Variants in SLX4IP observed in about 807,000 individuals in gnomAD.
SLX4IP encodes the protein protein SLX4IP.
Under a neutral mutation model 32.9 loss-of-function variants are expected in SLX4IP, and 34 were observed. The observed-to-expected ratio is 1.03, with a 90% CI of 0.79 to 1.38. The LOEUF is 1.38. Ranked by LOEUF, SLX4IP falls within the 40% of genes most tolerant of loss-of-function variation. The probability of loss-of-function intolerance (pLI) is 0.00; values close to 1 mark genes in which losing one functional copy is unlikely to be tolerated. For synonymous variants in SLX4IP, 172 were observed against 171.7 expected, an observed-to-expected ratio of 1.00 and a Z score of -0.01; for missense variants, 444 against 479.0, an observed-to-expected ratio of 0.93 and a Z score of 0.68.
intron 3 of SLX4IP, 43 bp downstream of exon 3, chr20:10,556,363 C>T (rs771537177): frequency 1.0e-5 from 16 of 1,549,992 alleles, no homozygotes; most frequent in Non-Finnish European, 1.2e-5. Flanking sequence ...GTAGCTGCTG[C>T]TGCTATAAGA....
chr20:10,614,118 C>A, intron 6 of SLX4IP: 1 of 1,460,296 alleles, frequency 6.8e-7, no homozygotes, highest in African/African-American at 1.4e-5. Flanking sequence ...CTTGTGGTAG[C>A]CTCGTCGGAC....
chr20:10,596,870 T>C (rs2066776706), intron 4 of SLX4IP, among the ~76,000 whole-genome samples: 1 of 152,106 alleles, frequency 6.6e-6, no homozygotes, highest in Admixed American at 6.5e-5. Flanking sequence ...GTAATGTCAG[T>C]GGTGTGTATA....
chr20:10,518,311 A>C (rs1045417173), intron 2 of SLX4IP, among the ~76,000 whole-genome samples: 1 of 152,086 alleles, frequency 6.6e-6, no homozygotes, highest in East Asian at 1.9e-4. Flanking sequence ...CTGGATGACC[A>C]TTCTCCACCC....
chr20:10,527,300 A>C, intron 2 of SLX4IP, among the ~76,000 whole-genome samples: 1 of 152,202 alleles, frequency 6.6e-6, no homozygotes, highest in Non-Finnish European at 1.5e-5. Flanking sequence ...CCATAGAAAT[A>C]AGGAGTTAAA....
At chr20:10,511,871 A>G (rs1228292560) in intron 2 of SLX4IP, among the ~76,000 whole-genome samples, 1 of 152,252 alleles carries the variant, frequency 6.6e-6, no homozygotes, top group Non-Finnish European at 1.5e-5. Flanking sequence ...TTCATTAAGT[A>G]TGAAACTAAA....
intron 2 of SLX4IP, among the ~76,000 whole-genome samples, chr20:10,532,259 A>G (rs959086129): frequency 2.0e-5 from 3 of 152,344 alleles, no homozygotes; most frequent in Admixed American, 2.0e-4. Flanking sequence ...CCAAGAAATC[A>G]TAAGTATGGG....
At chr20:10,548,841 A>G (rs913024031) in intron 2 of SLX4IP, among the ~76,000 whole-genome samples, 6 of 152,240 alleles carry the variant, frequency 3.9e-5, no homozygotes, top group African/African-American at 1.4e-4. Flanking sequence ...CAAGCGCTCC[A>G]TGAATCTTAT....
intron 4 of SLX4IP, among the ~76,000 whole-genome samples, chr20:10,582,608 C>T (rs1453863102): frequency 6.6e-6 from 1 of 152,074 alleles, no homozygotes; most frequent in Admixed American, 6.6e-5. Flanking sequence ...ATATTTTCAA[C>T]TTGGGCCACT....
intron 6 of SLX4IP, among the ~76,000 whole-genome samples, chr20:10,605,082 G>T (rs771232082): frequency 9.2e-5 from 14 of 152,114 alleles, no homozygotes; most frequent in Non-Finnish European, 2.1e-4. Flanking sequence ...TTCTTTCTCA[G>T]ATGTAAAGTC....
chr20:10,603,637 T>C (rs1390204682), intron 6 of SLX4IP, among the ~76,000 whole-genome samples: 2 of 152,194 alleles, frequency 1.3e-5, no homozygotes, highest in African/African-American at 2.4e-5. Flanking sequence ...ACTCCACCTC[T>C]GTCTCTTCAC....
intron 1 of SLX4IP, among the ~76,000 whole-genome samples, chr20:10,452,493 C>T (rs1405842146): frequency 1.3e-5 from 2 of 151,726 alleles, no homozygotes; most frequent in African/African-American, 4.8e-5. Context: ...TGATGAAACT[C>T]TGTCTCTACT....
In SLX4IP at chr20:10,435,379, G is replaced by C. The variant is rs1169836523; in HGVS notation, c.-104G>C. The C allele has an allele frequency of 6.6e-6, 1 of 152,204 alleles. No individual in the cohort carries two copies. Among genetic ancestry groups the C allele is most frequent in the Non-Finnish European group, 1.5e-5 (1 of 68,056 alleles). 9.4% of individuals were successfully genotyped at this position (152,204 alleles called of 1,614,324 possible). On this transcript the variant is annotated 5_prime_UTR_variant, in exon 1 of 8. Coordinates refer to ENST00000334534, the MANE Select transcript of SLX4IP (RefSeq NM_001009608.3). ...TGTGTAGTCCGAGTTTCCACAGCCA[G>C]GTACTACTCCGCCAGTGACCCTGGA...
chr20:10,485,567 G>A (rs1165429192), intron 2 of SLX4IP, among the ~76,000 whole-genome samples: 2 of 151,170 alleles, frequency 1.3e-5, no homozygotes, highest in Non-Finnish European at 2.9e-5. Context: ...CATTGAGCCC[G>A]AGATCGCACC....
chr20:10,464,508 A>AC lies in SLX4IP; in HGVS notation c.27+6281dup, dbSNP rs1274414247. Among the ~76,000 whole-genome samples, 6 of 152,114 alleles carry AC rather than the reference A, an allele frequency of 3.9e-5. No individual in the cohort carries two copies. In the East Asian group the frequency reaches 7.7e-4, roughly 20 times the overall value. ...CCAGCAGCCTGAGTAACATAGTGAG[A>AC]CCCCATCTCTAAATTAAAAACAATA... On this transcript the variant is annotated intron_variant, in intron 2 of 7. Coordinates refer to ENST00000334534, the MANE Select transcript of SLX4IP (RefSeq NM_001009608.3).
intron 2 of SLX4IP, among the ~76,000 whole-genome samples, chr20:10,476,455 T>C (rs1461631276): frequency 2.0e-5 from 3 of 152,244 alleles, no homozygotes; most frequent in Non-Finnish European, 4.4e-5. Context: ...TATTTTTAAT[T>C]GTCACCAAGT....
chr20:10,593,975 G>A (rs759460579), intron 4 of SLX4IP, among the ~76,000 whole-genome samples: 16 of 152,142 alleles, frequency 1.1e-4, no homozygotes, highest in Admixed American at 2.6e-4. Flanking sequence ...TTATTTGATC[G>A]GTAATGTCAT....
At chr20:10,547,853 A>C (rs1402127233) in intron 2 of SLX4IP, among the ~76,000 whole-genome samples, 1 of 152,214 alleles carries the variant, frequency 6.6e-6, no homozygotes, top group South Asian at 2.1e-4. Flanking sequence ...AGTACTAGAC[A>C]TTGACAACCC....
intron 1 of SLX4IP, among the ~76,000 whole-genome samples, chr20:10,457,037 G>A (rs2078449748): frequency 6.6e-6 from 1 of 152,050 alleles, no homozygotes; most frequent in South Asian, 2.1e-4. Context: ...TTGATATGTA[G>A]CAATACAGTA....
chr20:10,513,433 A>G (rs1314071621), intron 2 of SLX4IP, among the ~76,000 whole-genome samples: 1 of 152,222 alleles, frequency 6.6e-6, no homozygotes, highest in Admixed American at 6.5e-5. Context: ...AAGCAGGAGA[A>G]GATTGGGATG....
Sources: gnomAD v4.1 joint callset for allele counts (sites outside exome capture counted in the v4.1 genomes callset) on GRCh38, gnomAD v4.1.1 for gene constraint, MANE v1.5 for transcripts, NCBI Gene and HGNC (gene_info 2026-07-23, HGNC 2026-07-21) for gene names.